The following PDE4D variants were observed in gnomAD, a reference collection of about 807,000 sequenced individuals.
PDE4D encodes the protein phosphodiesterase 4D, also known as 3',5'-cyclic-AMP phosphodiesterase 4D.
PDE4D carries 24 observed loss-of-function variants against 87.4 expected under a neutral mutation model. The ratio of observed to expected loss-of-function variants is 0.27; its 90% CI spans 0.20 to 0.39. PDE4D has a LOEUF of 0.39. Among genes scored for constraint, PDE4D ranks in the 10% least tolerant of loss-of-function variants. PDE4D has a pLI of 1.00. For missense variants in PDE4D, 714 were observed against 1,041.0 expected, an observed-to-expected ratio of 0.69 and a Z score of 4.32; for synonymous variants, 384 against 383.2, an observed-to-expected ratio of 1.00 and a Z score of -0.02.
At chr5:60,072,864 T>C (rs941192590) in intron 2 of PDE4D, among the ~76,000 whole-genome samples, 2 of 152,178 alleles carry the variant, frequency 1.3e-5, no homozygotes, top group Non-Finnish European at 2.9e-5. Context: ...TCTGTTTTTA[T>C]ACCAGAATCA....
intron 1 of PDE4D, among the ~76,000 whole-genome samples, chr5:59,631,675 G>T (rs1170382298): frequency 2.0e-5 from 3 of 152,168 alleles, no homozygotes; most frequent in Admixed American, 2.0e-4. Flanking sequence ...CCCAAGGGAA[G>T]TCATGAGGGA....
At chr5:59,476,341 T>G (rs1803294344) in intron 1 of PDE4D, among the ~76,000 whole-genome samples, 1 of 152,094 alleles carries the variant, frequency 6.6e-6, no homozygotes, top group Non-Finnish European at 1.5e-5. Context: ...TACATAGATG[T>G]GTTCACTTTG....
At chr5:59,495,695 T>A (rs1807050981) in intron 1 of PDE4D, among the ~76,000 whole-genome samples, 1 of 152,206 alleles carries the variant, frequency 6.6e-6, no homozygotes, top group Non-Finnish European at 1.5e-5. Context: ...GGGGCAGCTT[T>A]GAGACCTGGA....
At chr5:59,960,927 A>T (rs1471769421) in intron 3 of PDE4D, among the ~76,000 whole-genome samples, 1 of 152,194 alleles carries the variant, frequency 6.6e-6, no homozygotes. Flanking sequence ...ATAGTTAGGG[A>T]ATATTTAAAT....
rs576723536 is a variant in PDE4D, at chr5:60,305,316, T to C, written c.-89-119629A>G. 5.7e-4 allele frequency among the ~76,000 whole-genome samples: 86 copies of C among 152,010 alleles called. 1 individual carries two copies. Among genetic ancestry groups the C allele is most frequent in the Admixed American group, 1.0e-3 (16 of 15,262 alleles). On this transcript the variant is annotated intron_variant, in intron 1 of 16. Coordinates refer to the PDE4D transcript ENST00000502484. ...AGAATTTTTTTAAAGGAAGATTACATAGAAATTAAAAGCAAAGTAGAAGAA... is the reference window on the plus strand; with the variant it reads ...AGAATTTTTTTAAAGGAAGATTACACAGAAATTAAAAGCAAAGTAGAAGAA...
At chr5:59,860,792 A>T (rs568434501) in intron 1 of PDE4D, among the ~76,000 whole-genome samples, 2 of 152,224 alleles carry the variant, frequency 1.3e-5, no homozygotes, top group African/African-American at 4.8e-5. Context: ...AATACCACAT[A>T]AATTATCATT....
At chr5:59,163,662 C>T (rs1206669140) in intron 5 of PDE4D, among the ~76,000 whole-genome samples, 3 of 152,220 alleles carry the variant, frequency 2.0e-5, no homozygotes, top group African/African-American at 7.2e-5. Context: ...ATCTTTTCCT[C>T]TTTTCCACCT....
At chr5:60,212,504 G>A (rs1444175137) in intron 1 of PDE4D, among the ~76,000 whole-genome samples, 1 of 152,190 alleles carries the variant, frequency 6.6e-6, no homozygotes, top group South Asian at 2.1e-4. Context: ...TACTAGAAGA[G>A]AGAAAGTTCT....
chr5:60,364,568 T>C (rs1041030248), intron 1 of PDE4D, among the ~76,000 whole-genome samples: 1 of 152,198 alleles, frequency 6.6e-6, no homozygotes, highest in Non-Finnish European at 1.5e-5. Context: ...TGATAAAAAC[T>C]TAAAGGTTTT....
At chr5:59,116,648 C>T (rs756228476) in intron 5 of PDE4D, among the ~76,000 whole-genome samples, 10 of 152,154 alleles carry the variant, frequency 6.6e-5, no homozygotes, top group Admixed American at 2.0e-4. Context: ...ACGTACTCCA[C>T]GGCTGCAGGA....
intron 5 of PDE4D, among the ~76,000 whole-genome samples, chr5:59,148,757 GTGTGTGT>G (rs1779046607): frequency 3.6e-5 from 4 of 111,606 alleles, no homozygotes; most frequent in Admixed American, 9.0e-5. Flanking sequence ...ATATAGCGGT[GTGTGTGT>G]GTGTGTGTGT....
At chr5:60,410,885 GGAGAGA>G (rs1248690558) in intron 1 of PDE4D, among the ~76,000 whole-genome samples, 1 of 152,174 alleles carries the variant, frequency 6.6e-6, no homozygotes, top group African/African-American at 2.4e-5. Context: ...ACTTGCCATG[GGAGAGA>G]CACTGTTCTT....
chr5:59,275,620 C>T (rs903539949), intron 1 of PDE4D: 2 of 1,285,004 alleles, frequency 1.6e-6, no homozygotes. Flanking sequence ...GAATTTACTC[C>T]AGTACTAGGC....
At chr5:59,043,556 G>T (rs555094294) in intron 5 of PDE4D, among the ~76,000 whole-genome samples, 48 of 152,058 alleles carry the variant, frequency 3.2e-4, no homozygotes, top group African/African-American at 9.4e-4. Flanking sequence ...AACTGATCCA[G>T]ATTTTTTTTA....
intron 1 of PDE4D, among the ~76,000 whole-genome samples, chr5:59,707,238 G>A (rs1225096050): frequency 6.6e-6 from 1 of 151,980 alleles, no homozygotes; most frequent in African/African-American, 2.4e-5. Context: ...ATAGCAAATG[G>A]AAAAACAGTG....
chr5:59,202,029 G>C (rs1413475769), intron 2 of PDE4D, among the ~76,000 whole-genome samples: 1 of 92,916 alleles, frequency 1.1e-5, no homozygotes, highest in African/African-American at 4.3e-5. Flanking sequence ...CTGGTGTTTT[G>C]ATCATTTTTT....
At chr5:59,242,747 C>A (rs150912300) in intron 1 of PDE4D, among the ~76,000 whole-genome samples, 3 of 152,138 alleles carry the variant, frequency 2.0e-5, no homozygotes, top group African/African-American at 7.2e-5. Context: ...TCACAAGAAT[C>A]CCAGGTGGAA....
chr5:60,343,865 C>T (rs1414394480), intron 1 of PDE4D, among the ~76,000 whole-genome samples: 2 of 152,032 alleles, frequency 1.3e-5, no homozygotes, highest in Non-Finnish European at 2.9e-5. Context: ...CCTGCTATTG[C>T]TAATATTCGG....
intron 1 of PDE4D, among the ~76,000 whole-genome samples, chr5:59,566,462 TA>T (rs952735497): frequency 1.3e-5 from 2 of 152,096 alleles, no homozygotes; most frequent in African/African-American, 4.8e-5. Context: ...CCTGAACAGA[TA>T]AAAAAACCCT....
Sources: allele counts gnomAD v4.1 joint callset (sites outside exome capture counted in the v4.1 genomes callset), GRCh38; gene constraint gnomAD v4.1.1; transcripts MANE v1.5; gene names NCBI Gene and HGNC (gene_info 2026-07-23, HGNC 2026-07-21).